STEAP1B: variants seen among roughly 807,000 people sequenced by gnomAD.
STEAP1B encodes STEAP family protein MGC87042.
A neutral mutation model predicts 27.9 loss-of-function variants in STEAP1B; 13 were observed. That is an observed-to-expected ratio of 0.47 (90% CI 0.30 to 0.74). The LOEUF (loss-of-function observed/expected upper bound fraction) is 0.74. Ranked by LOEUF, STEAP1B falls within the 30% of genes least tolerant of loss-of-function variation. The pLI, the probability that STEAP1B is intolerant of heterozygous loss-of-function variation, is 0.06. For missense variants in STEAP1B, 250 were observed against 298.7 expected, an observed-to-expected ratio of 0.84 and a Z score of 1.20; for synonymous variants, 86 against 107.1, an observed-to-expected ratio of 0.80 and a Z score of 1.22.
intron 1 of STEAP1B, among the ~76,000 whole-genome samples, chr7:22,499,728 C>T (rs978991070): frequency 3.3e-5 from 5 of 152,368 alleles, no homozygotes; most frequent in East Asian, 1.9e-4. Flanking sequence ...ATTTTAAGTA[C>T]TGTGCACCAG....
chr7:22,470,152 T>G (rs1785855885), intron 4 of STEAP1B, among the ~76,000 whole-genome samples: 1 of 152,106 alleles, frequency 6.6e-6, no homozygotes, highest in Non-Finnish European at 1.5e-5. Context: ...GGAGAACCAG[T>G]TAATTCTAGG....
At chr7:22,451,772 T>C (rs1162752820) in intron 4 of STEAP1B, among the ~76,000 whole-genome samples, 1 of 152,264 alleles carries the variant, frequency 6.6e-6, no homozygotes. Flanking sequence ...AATATATTGT[T>C]GAATTTGGTT....
chr7:22,485,062 T>C (rs1786178361), intron 4 of STEAP1B, among the ~76,000 whole-genome samples: 2 of 152,376 alleles, frequency 1.3e-5, no homozygotes, highest in African/African-American at 4.8e-5. Flanking sequence ...GAGAAGACGC[T>C]GTGAAGATTG....
chr7:22,430,404 A>C (rs28447531), intron 4 of STEAP1B, among the ~76,000 whole-genome samples: 5,973 of 152,294 alleles, frequency 0.039, 216 homozygotes, highest in African/African-American at 0.079. Flanking sequence ...CAGGACTACC[A>C]CAAGTGCATC....
chr7:22,419,848 A>G lies in STEAP1B; in HGVS notation c.763-12T>C. On this transcript the variant is annotated splice_polypyrimidine_tract_variant and intron_variant, in intron 4 of 4. Transcript: ENST00000678116. ...ATCCTACCATGTACCTGGAAGGCAG[A>G]CAGCAAGAAAGAGTTGATGTATAGA... 1 of 1,549,742 alleles carries G rather than the reference A, an allele frequency of 6.5e-7. No individual in the cohort carries two copies. The highest frequency in any genetic ancestry group is 2.4e-5 in the East Asian group (1 of 40,836).
intron 4 of STEAP1B, among the ~76,000 whole-genome samples, chr7:22,469,828 A>G (rs188618687): frequency 4.1e-4 from 62 of 152,348 alleles, no homozygotes; most frequent in Middle Eastern, 3.4e-3. Flanking sequence ...GCATGAGTGC[A>G]TACTGCAGAG....
chr7:22,421,383 T>A (rs1214866835), intron 4 of STEAP1B, among the ~76,000 whole-genome samples: 1 of 152,252 alleles, frequency 6.6e-6, no homozygotes, highest in Non-Finnish European at 1.5e-5. Context: ...CTTTGCTATG[T>A]CTTGTGAGAC....
chr7:22,438,498 AAAG>A, intron 4 of STEAP1B: 1 of 1,549,858 alleles, frequency 6.5e-7, no homozygotes, highest in Non-Finnish European at 8.7e-7. Flanking sequence ...CTTAAATCTG[AAAG>A]ATGATCAGCA....
intron 4 of STEAP1B, among the ~76,000 whole-genome samples, chr7:22,456,972 A>ATATATATATATATATATATATATATAT: frequency 3.5e-5 from 2 of 57,078 alleles, no homozygotes; most frequent in African/African-American, 7.0e-5. Flanking sequence ...ATATATATAT[A>ATATATATATATATATATATATATATAT]TTTTTTTTTT....
At chr7:22,431,368 G>A (rs1354861651) in intron 4 of STEAP1B, among the ~76,000 whole-genome samples, 3 of 152,164 alleles carry the variant, frequency 2.0e-5, no homozygotes, top group African/African-American at 4.8e-5. Context: ...TCTCCCAATA[G>A]CTCTCTCAGA....
intron 1 of STEAP1B, among the ~76,000 whole-genome samples, chr7:22,499,513 G>C (rs10254906): frequency 0.11 from 16,599 of 152,032 alleles, 1,113 homozygotes; most frequent in African/African-American, 0.18. Flanking sequence ...AAGTAACAAA[G>C]TAAGAAATTT....
intron 4 of STEAP1B, among the ~76,000 whole-genome samples, chr7:22,454,068 G>A (rs1785532210): frequency 6.6e-6 from 1 of 152,170 alleles, no homozygotes; most frequent in Non-Finnish European, 1.5e-5. Flanking sequence ...CCAATCAGAA[G>A]AGCAAAACTA....
chr7:22,475,180 A>G (rs901002962), intron 4 of STEAP1B, among the ~76,000 whole-genome samples: 12 of 152,122 alleles, frequency 7.9e-5, no homozygotes, highest in African/African-American at 2.9e-4. Context: ...GTAGGTTCCT[A>G]TCCTGGCCTG....
At chr7:22,438,655 T>C in intron 4 of STEAP1B, 1 of 1,551,986 alleles carries the variant, frequency 6.4e-7, no homozygotes, top group South Asian at 1.2e-5. Context: ...GATTCCACAC[T>C]GCTGCTCCTG....
At chr7:22,428,446 G>A (rs527602841) in intron 4 of STEAP1B, among the ~76,000 whole-genome samples, 5 of 152,204 alleles carry the variant, frequency 3.3e-5, no homozygotes, top group African/African-American at 9.6e-5. Flanking sequence ...AAACATTCAT[G>A]CATCATACAA....
intron 1 of STEAP1B, among the ~76,000 whole-genome samples, chr7:22,498,821 G>T (rs1786486169): frequency 6.6e-6 from 1 of 152,160 alleles, no homozygotes; most frequent in African/African-American, 2.4e-5. Context: ...CAAAGAGTCT[G>T]GGTGGAAAAC....
chr7:22,437,318 T>G (rs1785268059), intron 4 of STEAP1B, among the ~76,000 whole-genome samples: 1 of 152,242 alleles, frequency 6.6e-6, no homozygotes. Context: ...TGAGTTTGAC[T>G]ATTTTAGATT....
At chr7:22,482,164 G>A (rs990611352) in intron 4 of STEAP1B, among the ~76,000 whole-genome samples, 2 of 152,068 alleles carry the variant, frequency 1.3e-5, no homozygotes, top group Non-Finnish European at 2.9e-5. Context: ...TGAGTGGCTC[G>A]AACTGTCTTC....
intron 4 of STEAP1B, among the ~76,000 whole-genome samples, chr7:22,456,972 A>ATATATATTTTTTTTTTTTTTTTTTT: frequency 7.0e-5 from 4 of 57,068 alleles, no homozygotes; most frequent in South Asian, 1.0e-3. Context: ...ATATATATAT[A>ATATATATTTTTTTTTTTTTTTTTTT]TTTTTTTTTT....
Sources: gnomAD v4.1 joint callset for allele counts (sites outside exome capture counted in the v4.1 genomes callset) on GRCh38, gnomAD v4.1.1 for gene constraint, MANE v1.5 for transcripts, NCBI Gene and HGNC (gene_info 2026-07-23, HGNC 2026-07-21) for gene names.